RNF212B: variants seen among roughly 807,000 people sequenced by gnomAD.
RNF212B encodes the protein E3 ubiquitin-protein ligase RNF212B.
RNF212B carries 52 observed loss-of-function variants against 55.5 expected under a neutral mutation model. The ratio of observed to expected loss-of-function variants is 0.94; its 90% CI spans 0.75 to 1.18. RNF212B has a LOEUF of 1.18. Ranked by LOEUF, RNF212B falls within the 50% of genes most tolerant of loss-of-function variation. RNF212B has a pLI of 0.00. For missense variants in RNF212B, 289 were observed against 350.4 expected (o/e 0.82, Z 1.40); for synonymous variants, 99 against 121.4 (o/e 0.82, Z 1.21).
chr14:23,186,145 G>T (rs1196190225), intron 1 of RNF212B, among the ~76,000 whole-genome samples: 1 of 151,968 alleles, frequency 6.6e-6, no homozygotes, highest in African/African-American at 2.4e-5. Context: ...GCTAGGAAAG[G>T]AATCTCCCCA....
Position 23,204,948 on chromosome 14 carries a change from C to T in RNF212B, c.-2+11547C>T, listed in dbSNP as rs186593598. On this transcript the variant is annotated intron_variant, in intron 2 of 15. Coordinates refer to the RNF212B transcript ENST00000399910. The stretch of plus-strand genomic sequence containing the variant: ...GAGGTCAACAAGGACTTTAAAAGCA[C>T]GTATAGAAAGATACATGGATGAAAT... 3.2e-3 allele frequency among the ~76,000 whole-genome samples: 494 copies of T among 152,058 alleles called. 4 individuals are homozygous for T. Among genetic ancestry groups the T allele is most frequent in the African/African-American group, 0.011 (458 of 41,482 alleles).
intron 2 of RNF212B, among the ~76,000 whole-genome samples, chr14:23,232,183 C>T (rs565147183): frequency 1.2e-4 from 19 of 152,070 alleles, no homozygotes; most frequent in Non-Finnish European, 1.5e-5. Context: ...GCCGCCATCC[C>T]GTCTAAGAAG....
At chr14:23,267,628 C>T (rs1412431973) in intron 11 of RNF212B, among the ~76,000 whole-genome samples, 3 of 151,922 alleles carry the variant, frequency 2.0e-5, no homozygotes, top group African/African-American at 7.3e-5. Flanking sequence ...AAGGTTTCAC[C>T]ATGTTGGCTA....
At chr14:23,248,820 A>G (rs1884197730) in intron 4 of RNF212B, among the ~76,000 whole-genome samples, 1 of 152,196 alleles carries the variant, frequency 6.6e-6, no homozygotes, top group African/African-American at 2.4e-5. Context: ...TAAAGCCTCC[A>G]TCTCTTAATA....
At position 23,273,125 on chromosome 14, in the gene RNF212B, A is replaced by G. The variant is rs948168852; in HGVS notation, c.*234A>G. On this transcript the variant is annotated 3_prime_UTR_variant, in exon 15 of 15. Transcript: ENST00000430154. ...GATGTTTATATCTCTTCCAGAAGAC[A>G]CTGGTAGCTCCCCTCATTTCCTACA... 2.7e-6 allele frequency: 1 copy of G among 365,900 alleles called. No homozygotes were observed. The highest frequency in any genetic ancestry group is 4.9e-6 in the Non-Finnish European group (1 of 203,668). The allele number at this position is 365,900 out of a possible 1,614,324, so 22.7% of individuals were successfully genotyped here.
chr14:23,197,240 C>T (rs371335961), intron 2 of RNF212B, among the ~76,000 whole-genome samples: 14 of 152,122 alleles, frequency 9.2e-5, no homozygotes, highest in East Asian at 5.8e-4. Flanking sequence ...AAAAATATAA[C>T]GAGAGGCCAG....
chr14:23,213,182 A>G (rs6573048), intron 2 of RNF212B, among the ~76,000 whole-genome samples: 12,937 of 151,756 alleles, frequency 0.085, 1,416 homozygotes, highest in African/African-American at 0.26. Flanking sequence ...GCGTGGTGGC[A>G]GGCGCCTGTA....
At position 23,242,081 on chromosome 14, in the gene RNF212B, C is replaced by CAAAAAAAAA. The variant is rs58497672; in HGVS notation, c.101-1157_101-1149dup. On this transcript the variant is annotated intron_variant, in intron 2 of 14. Transcript: ENST00000430154. ...TGGGCGACAGAGCAAGACTCCGTCTCAAAAAAAAAAAAAAAAAAAAAAAAA... is the reference window on the plus strand; with the variant it reads ...TGGGCGACAGAGCAAGACTCCGTCTCAAAAAAAAAAAAAAAAAAAAAAAAAAAAAAAAAA... Among the ~76,000 whole-genome samples the CAAAAAAAAA allele has an allele frequency of 8.2e-4, 30 of 36,644 alleles. 2 individuals carry two copies. Among genetic ancestry groups the CAAAAAAAAA allele is most frequent in the Admixed American group, 1.3e-3 (3 of 2,348 alleles). 24.0% of individuals were successfully genotyped at this position (36,644 alleles called of 152,430 possible). A position where few individuals can be genotyped will look rare whatever the true frequency, so the allele number is the denominator to read the frequency against.
chr14:23,271,282 A>C (rs913794449), intron 14 of RNF212B, among the ~76,000 whole-genome samples: 1 of 152,040 alleles, frequency 6.6e-6, no homozygotes, highest in Non-Finnish European at 1.5e-5. Context: ...CTCTCTACTG[A>C]AAATACAAAA....
intron 2 of RNF212B, among the ~76,000 whole-genome samples, chr14:23,209,918 C>T (rs530585087): frequency 6.6e-6 from 1 of 152,176 alleles, no homozygotes; most frequent in Admixed American, 6.5e-5. Context: ...TTTGGGAGGC[C>T]GAGGTGGGCT....
intron 1 of RNF212B, chr14:23,188,054 T>G (rs1279094407): frequency 6.6e-6 from 1 of 152,262 alleles, no homozygotes; most frequent in Non-Finnish European, 1.5e-5. Context: ...TTGGGCATAT[T>G]CATAAGTTCA....
At chr14:23,190,003 C>T (rs1182023355) in intron 1 of RNF212B, among the ~76,000 whole-genome samples, 2 of 152,166 alleles carry the variant, frequency 1.3e-5, no homozygotes. Flanking sequence ...AGTTGGACCA[C>T]CGGTGGTCCA....
intron 2 of RNF212B, among the ~76,000 whole-genome samples, chr14:23,196,627 A>T (rs1878738663): frequency 6.6e-6 from 1 of 152,116 alleles, no homozygotes; most frequent in Admixed American, 6.5e-5. Context: ...ATTTTTATAG[A>T]GATGGGGTCT....
At chr14:23,246,470 A>C (rs528864409) in intron 4 of RNF212B, among the ~76,000 whole-genome samples, 218 of 152,266 alleles carry the variant, frequency 1.4e-3, no homozygotes, top group Non-Finnish European at 2.6e-3. Context: ...TTATAGCTTT[A>C]TTTCTTTGAA....
At chr14:23,195,842 G>A (rs908800327) in intron 2 of RNF212B, among the ~76,000 whole-genome samples, 2 of 152,160 alleles carry the variant, frequency 1.3e-5, no homozygotes, top group East Asian at 1.9e-4. Flanking sequence ...CAAGGTAAAC[G>A]TTGTTTTGCA....
At chr14:23,198,941 T>C (rs1879009009) in intron 2 of RNF212B, among the ~76,000 whole-genome samples, 1 of 152,024 alleles carries the variant, frequency 6.6e-6, no homozygotes, top group Non-Finnish European at 1.5e-5. Flanking sequence ...TAGACAGAAA[T>C]ATGTGTATAT....
Position 23,240,445 on chromosome 14 carries a change from G to T in RNF212B, c.100G>T (p.Glu34Ter). The T allele has an allele frequency of 1.3e-6, 2 of 1,535,654 alleles. No individual in the cohort carries two copies. Among genetic ancestry groups the T allele is most frequent in the Non-Finnish European group, 8.8e-7 (1 of 1,133,798 alleles). Residue 34 changes from glutamate to a stop codon, truncating the protein, a stop_gained and splice_region_variant, in exon 2 of 15, where the codon GAA becomes TAA. Transcript: ENST00000430154. LOFTEE classifies it high-confidence loss of function. ...TTTCTGTAAAAAGTGTGTGACTCTG[G>T]GTGAGTGACTCAACTGTTTTCAGAT... ...HIFCKKCVTL[E>*]KCAVCGTACK...
chr14:23,200,726 C>T (rs979425890), intron 2 of RNF212B, among the ~76,000 whole-genome samples: 3 of 152,108 alleles, frequency 2.0e-5, no homozygotes, highest in South Asian at 2.1e-4. Context: ...ACCCTGTACA[C>T]GGACTGTGTA....
chr14:23,202,392 T>C (rs1879386034), intron 2 of RNF212B, among the ~76,000 whole-genome samples: 2 of 152,206 alleles, frequency 1.3e-5, no homozygotes, highest in South Asian at 4.1e-4. Context: ...TTATTTATCT[T>C]TCCAAATCGG....
Sources: gnomAD v4.1 joint callset for allele counts (sites outside exome capture counted in the v4.1 genomes callset) on GRCh38, gnomAD v4.1.1 for gene constraint, MANE v1.5 for transcripts, NCBI Gene and HGNC (gene_info 2026-07-23, HGNC 2026-07-21) for gene names.